Variants in MBD5 observed in about 807,000 individuals in gnomAD.
MBD5 encodes the protein methyl-CpG-binding domain protein 5.
Under a neutral mutation model 117.3 loss-of-function variants are expected in MBD5, and 13 were observed. The ratio of observed to expected loss-of-function variants is 0.11; its 90% CI spans 0.07 to 0.18. The LOEUF (loss-of-function observed/expected upper bound fraction) is 0.18, where lower values mean the gene tolerates loss of function less well. MBD5 is among the 10% of genes least tolerant of loss of function. The probability of loss-of-function intolerance (pLI) is 1.00; values close to 1 mark genes in which losing one functional copy is unlikely to be tolerated. For synonymous variants in MBD5, 727 were observed against 766.4 expected, an observed-to-expected ratio of 0.95 and a Z score of 0.85; for missense variants, 1,879 against 2,093.8, an observed-to-expected ratio of 0.90 and a Z score of 2.00.
intron 4 of MBD5, among the ~76,000 whole-genome samples, chr2:148,457,134 C>G (rs1199097789): frequency 2.0e-5 from 3 of 152,112 alleles, no homozygotes; most frequent in African/African-American, 7.2e-5. Flanking sequence ...TTAATACTTT[C>G]ATAAGAATCT....
At chr2:148,068,017 A>G (rs917373794) in intron 1 of MBD5, among the ~76,000 whole-genome samples, 1 of 152,216 alleles carries the variant, frequency 6.6e-6, no homozygotes, top group Non-Finnish European at 1.5e-5. Flanking sequence ...GCAGGAAGCC[A>G]TATCTTTGGG....
intron 1 of MBD5, among the ~76,000 whole-genome samples, chr2:148,153,807 T>C (rs1697767587): frequency 7.9e-6 from 1 of 126,668 alleles, no homozygotes; most frequent in Non-Finnish European, 1.6e-5. Context: ...CTTTAAGCAC[T>C]TCTCTGTATT....
chr2:148,363,755 G>T (rs1309384895), intron 4 of MBD5, among the ~76,000 whole-genome samples: 1 of 152,014 alleles, frequency 6.6e-6, no homozygotes, highest in Non-Finnish European at 1.5e-5. Context: ...AGAGATTGAA[G>T]ATCAACTTAA....
chr2:148,158,152 T>C (rs990315481), intron 1 of MBD5, among the ~76,000 whole-genome samples: 9 of 152,192 alleles, frequency 5.9e-5, no homozygotes, highest in Non-Finnish European at 1.2e-4. Flanking sequence ...AAATGTTTAA[T>C]AGAATAGTGA....
chr2:148,197,529 C>T (rs1474370852), intron 2 of MBD5, among the ~76,000 whole-genome samples: 3 of 152,130 alleles, frequency 2.0e-5, no homozygotes. Flanking sequence ...GTGTAATGGT[C>T]TCCAAGATCA....
chr2:148,509,812 G>A (rs1298227251), intron 12 of MBD5, among the ~76,000 whole-genome samples: 1 of 152,164 alleles, frequency 6.6e-6, no homozygotes, highest in Non-Finnish European at 1.5e-5. Flanking sequence ...AGAAGCATGT[G>A]GAAGAGGAAA....
At chr2:148,147,042 G>A (rs894262253) in intron 1 of MBD5, among the ~76,000 whole-genome samples, 1 of 151,670 alleles carries the variant, frequency 6.6e-6, no homozygotes, top group African/African-American at 2.4e-5. Flanking sequence ...TTAATTCATA[G>A]GCATAGTTTC....
intron 4 of MBD5, among the ~76,000 whole-genome samples, chr2:148,386,718 CAAAAAAA>C (rs60766324): frequency 1.2e-4 from 13 of 104,236 alleles, no homozygotes; most frequent in Admixed American, 3.2e-4. Context: ...GACTCCGTCT[CAAAAAAA>C]AAAAAAAAAA....
intron 3 of MBD5, among the ~76,000 whole-genome samples, chr2:148,296,862 CA>C (rs200589153): frequency 4.7e-4 from 13 of 27,874 alleles, no homozygotes; most frequent in Non-Finnish European, 1.3e-3. Context: ...TTTAGTTCTT[CA>C]ATTTTTTTTT....
At chr2:148,270,391 C>CTT (rs1303449965) in intron 3 of MBD5, among the ~76,000 whole-genome samples, 37 of 99,538 alleles carry the variant, frequency 3.7e-4, no homozygotes, top group South Asian at 3.2e-3. Flanking sequence ...TACTTCCTTT[C>CTT]TATTTTTTTT....
chr2:148,208,199 C>T (rs1197483764), intron 2 of MBD5, among the ~76,000 whole-genome samples: 1 of 152,132 alleles, frequency 6.6e-6, no homozygotes, highest in Non-Finnish European at 1.5e-5. Context: ...AATAAGGACA[C>T]TCTACCTTGT....
chr2:148,167,933 A>C (rs1698168370), intron 1 of MBD5, among the ~76,000 whole-genome samples: 1 of 152,210 alleles, frequency 6.6e-6, no homozygotes, highest in Non-Finnish European at 1.5e-5. Flanking sequence ...TATGTTAAGT[A>C]ATAGACTGCT....
intron 1 of MBD5, chr2:148,068,721 G>T (rs1024533183): frequency 2.0e-5 from 3 of 152,144 alleles, no homozygotes; most frequent in Non-Finnish European, 4.4e-5. Flanking sequence ...ACTATCTTAA[G>T]AAGTCAGGAG....
At position 148,434,653 on chromosome 2, in the gene MBD5, G is replaced by A. The variant is rs544292565; in HGVS notation, c.-556-23550G>A. ...GTTGATTTTGGTTCTTTGCATTTGC[G>A]AAGGATTGTTTTATGTCCAAATGTG... is the stretch of plus-strand genomic sequence containing the variant. On this transcript the variant is annotated intron_variant, in intron 4 of 13. Coordinates refer to ENST00000642680, the MANE Select transcript of MBD5 (RefSeq NM_001378120.1). 6.6e-5 allele frequency among the ~76,000 whole-genome samples: 10 copies of A among 152,160 alleles called. No homozygotes were observed. The East Asian group carries it at 1.4e-3, about 21-fold the overall frequency.
intron 1 of MBD5, among the ~76,000 whole-genome samples, chr2:148,050,961 G>A (rs775164798): frequency 6.6e-6 from 1 of 152,080 alleles, no homozygotes; most frequent in Non-Finnish European, 1.5e-5. Context: ...ATGAAAAATA[G>A]ACTGTTGAAA....
chr2:148,049,782 A>T (rs1253651332), intron 1 of MBD5, among the ~76,000 whole-genome samples: 2 of 152,150 alleles, frequency 1.3e-5, no homozygotes, highest in Non-Finnish European at 2.9e-5. Context: ...AGATTTGCTT[A>T]TTCTGGACAT....
At chr2:148,225,316 CAAAA>C (rs1553486401) in intron 2 of MBD5, among the ~76,000 whole-genome samples, 1 of 144,924 alleles carries the variant, frequency 6.9e-6, no homozygotes, top group South Asian at 2.3e-4. Flanking sequence ...AACAAACAAA[CAAAA>C]AACTAATAAA....
At chr2:148,387,848 T>G (rs972352660) in intron 4 of MBD5, among the ~76,000 whole-genome samples, 1 of 152,126 alleles carries the variant, frequency 6.6e-6, no homozygotes, top group African/African-American at 2.4e-5. Flanking sequence ...TAGACTTTAT[T>G]GAACAATATT....
rs187084100 is a variant in MBD5, at chr2:148,076,905, A to G, written c.-925+55221A>G. 1.4e-4 allele frequency among the ~76,000 whole-genome samples: 22 copies of G among 152,350 alleles called. 1 individual carries two copies. In the East Asian group the frequency reaches 3.5e-3, roughly 24 times the overall value. On this transcript the variant is annotated intron_variant, in intron 1 of 13. Coordinates refer to ENST00000642680, the MANE Select transcript of MBD5 (RefSeq NM_001378120.1). ...AAGTAATTTTATATTGGAGATTGGCAAACTATTGCCTACAGGCCACATCTG... is the reference window on the plus strand; with the variant it reads ...AAGTAATTTTATATTGGAGATTGGCGAACTATTGCCTACAGGCCACATCTG...
Sources: allele counts gnomAD v4.1 joint callset (sites outside exome capture counted in the v4.1 genomes callset), GRCh38; gene constraint gnomAD v4.1.1; transcripts MANE v1.5; gene names NCBI Gene and HGNC (gene_info 2026-07-23, HGNC 2026-07-21).